Variants in RAB21 observed in about 807,000 individuals in gnomAD.
RAB21 encodes the protein ras-related protein Rab-21.
RAB21 carries 13 observed loss-of-function variants against 33.1 expected under a neutral mutation model. The ratio of observed to expected loss-of-function variants is 0.39; its 90% CI spans 0.26 to 0.62. RAB21 has a LOEUF of 0.62. RAB21 is among the 20% of genes least tolerant of loss of function. RAB21 has a pLI of 0.48. For missense variants in RAB21, 234 were observed against 279.1 expected, an observed-to-expected ratio of 0.84 and a Z score of 1.15; for synonymous variants, 91 against 103.7, an observed-to-expected ratio of 0.88 and a Z score of 0.74.
At chr12:71,769,590 C>G (rs1883011339) in intron 1 of RAB21, among the ~76,000 whole-genome samples, 1 of 151,980 alleles carries the variant, frequency 6.6e-6, no homozygotes, top group African/African-American at 2.4e-5. Flanking sequence ...TTTGTATAAC[C>G]TATTTTCAGA....
intron 1 of RAB21, among the ~76,000 whole-genome samples, chr12:71,764,808 T>C (rs1320020726): frequency 3.3e-5 from 5 of 152,152 alleles, no homozygotes; most frequent in African/African-American, 1.2e-4. Context: ...TATGGCTGAG[T>C]AGTATTCTAT....
intron 3 of RAB21, 108 bp downstream of exon 3, chr12:71,770,807 G>A: frequency 1.3e-6 from 1 of 755,910 alleles, no homozygotes; most frequent in East Asian, 2.9e-5. Context: ...TAAAAATAAA[G>A]TATATAATTT....
At chr12:71,772,204 T>C (rs1243063147) in intron 3 of RAB21, among the ~76,000 whole-genome samples, 1 of 152,210 alleles carries the variant, frequency 6.6e-6, no homozygotes, top group Non-Finnish European at 1.5e-5. Context: ...GGCCTAGTTC[T>C]CCATCTGGCC....
At chr12:71,764,122 C>A in intron 1 of RAB21, among the ~76,000 whole-genome samples, 1 of 151,966 alleles carries the variant, frequency 6.6e-6, no homozygotes, top group Admixed American at 6.5e-5. Context: ...ATGTTACTCT[C>A]CCTCCTTCCG....
intron 4 of RAB21, 161 bp downstream of exon 4, chr12:71,774,183 A>C: frequency 2.5e-6 from 1 of 397,568 alleles, no homozygotes; most frequent in Non-Finnish European, 4.2e-6. Context: ...GCAGTGGCTC[A>C]TGCCTGTAAT....
In RAB21 at chr12:71,789,610, CAAT is replaced by C. The variant is rs1321563850; in HGVS notation, c.*3941_*3943del. ...GTAGTAGTGACCCGCAGGAGCCTCA[CAAT>C]AATGTCTAAAGATATAAACTGAGTA... On this transcript the variant is annotated 3_prime_UTR_variant, in exon 7 of 7. Coordinates refer to ENST00000261263, the MANE Select transcript of RAB21 (RefSeq NM_014999.4). 1.3e-5 allele frequency: 2 copies of C among 152,074 alleles called. No individual in the cohort carries two copies. The highest frequency in any genetic ancestry group is 2.9e-5 in the Non-Finnish European group (2 of 67,980). The allele number at this position is 152,074 out of a possible 1,614,324, so 9.4% of individuals were successfully genotyped here.
chr12:71,779,003 T>C (rs1191345843), intron 4 of RAB21, among the ~76,000 whole-genome samples: 1 of 152,242 alleles, frequency 6.6e-6, no homozygotes, highest in Non-Finnish European at 1.5e-5. Context: ...CATTTGATCA[T>C]TCACTGTGAT....
At chr12:71,785,242 C>T (rs1046834412) in intron 6 of RAB21, among the ~76,000 whole-genome samples, 7 of 152,186 alleles carry the variant, frequency 4.6e-5, no homozygotes, top group East Asian at 1.9e-4. Context: ...AAGGATTATA[C>T]TTGTACGCAG....
intron 4 of RAB21, among the ~76,000 whole-genome samples, chr12:71,777,146 G>A (rs572678544): frequency 3.2e-4 from 48 of 152,166 alleles, no homozygotes; most frequent in Admixed American, 1.1e-3. Context: ...AAAATTGCAC[G>A]GTGTAAGCAG....
rs1388279583 is a variant in RAB21, at chr12:71,797,380, C to T, written c.*11707C>T. 2 of 151,116 alleles carry T rather than the reference C, an allele frequency of 1.3e-5. No homozygotes were observed. The highest frequency in any genetic ancestry group is 3.0e-5 in the Non-Finnish European group (2 of 67,762). The allele number at this position is 151,116 out of a possible 1,614,324, so 9.4% of individuals were successfully genotyped here. ...TAGAAGATATAATAGAAGAAAAGGC[C>T]CCATTTAAAGTAAGACCAAAGGAGA... On this transcript the variant is annotated 3_prime_UTR_variant, in exon 7 of 7. Coordinates refer to ENST00000261263, the MANE Select transcript of RAB21 (RefSeq NM_014999.4).
intron 1 of RAB21, among the ~76,000 whole-genome samples, chr12:71,765,409 T>C (rs1173181955): frequency 6.6e-6 from 1 of 152,200 alleles, no homozygotes; most frequent in African/African-American, 2.4e-5. Flanking sequence ...GTTGTCTGTT[T>C]ACTCTGCTGA....
At chr12:71,782,240 T>C (rs1352448834) in intron 5 of RAB21, among the ~76,000 whole-genome samples, 155 bp downstream of exon 5, 1 of 152,208 alleles carries the variant, frequency 6.6e-6, no homozygotes, top group Non-Finnish European at 1.5e-5. Flanking sequence ...TTTCTGGGCT[T>C]GTGGCAATAA....
At chr12:71,773,617 C>T (rs574074073) in intron 3 of RAB21, among the ~76,000 whole-genome samples, 44 of 152,178 alleles carry the variant, frequency 2.9e-4, no homozygotes, top group Non-Finnish European at 5.4e-4. Flanking sequence ...TTCCTAAGTC[C>T]AAAGTGACAC....
chr12:71,772,958 A>C (rs977072747), intron 3 of RAB21, among the ~76,000 whole-genome samples: 9 of 152,238 alleles, frequency 5.9e-5, no homozygotes, highest in African/African-American at 2.2e-4. Context: ...TTTGTACACC[A>C]TAAGACCAGA....
chr12:71,769,151 T>C (rs908719258), intron 1 of RAB21, among the ~76,000 whole-genome samples: 1 of 152,188 alleles, frequency 6.6e-6, no homozygotes, highest in African/African-American at 2.4e-5. Context: ...TTACCTTCTC[T>C]CTGAAGCCTT....
At chr12:71,762,877 G>A (rs752262925) in intron 1 of RAB21, among the ~76,000 whole-genome samples, 9 of 152,048 alleles carry the variant, frequency 5.9e-5, no homozygotes, top group Admixed American at 3.9e-4. Flanking sequence ...CACCATGCCC[G>A]GCCTAGCTTA....
At chr12:71,762,553 C>T (rs953546490) in intron 1 of RAB21, among the ~76,000 whole-genome samples, 2 of 151,992 alleles carry the variant, frequency 1.3e-5, no homozygotes, top group Admixed American at 6.6e-5. Flanking sequence ...GATCCGCCCG[C>T]CTCGGCCTCC....
rs978583256 is a variant in RAB21, at chr12:71,794,917, A to G, written c.*9244A>G. 1.3e-5 allele frequency: 2 copies of G among 151,276 alleles called. No individual in the cohort carries two copies. The highest frequency in any genetic ancestry group is 4.8e-5 in the African/African-American group (2 of 41,252). 9.4% of individuals were successfully genotyped at this position (151,276 alleles called of 1,614,324 possible). A position where few individuals can be genotyped will look rare whatever the true frequency, so the allele number is the denominator to read the frequency against. ...GTGCCACTGGACTCCAGCCTCGGTG[A>G]CAGAGTGAGACTCTGTCTCAAAAAA... On this transcript the variant is annotated 3_prime_UTR_variant, in exon 7 of 7. Coordinates refer to ENST00000261263, the MANE Select transcript of RAB21 (RefSeq NM_014999.4).
intron 1 of RAB21, among the ~76,000 whole-genome samples, chr12:71,762,547 C>T (rs962430155): frequency 1.3e-5 from 2 of 151,682 alleles, no homozygotes; most frequent in Non-Finnish European, 2.9e-5. Flanking sequence ...CCTCGTGATC[C>T]GCCCGCCTCG....
Sources: allele counts gnomAD v4.1 joint callset (sites outside exome capture counted in the v4.1 genomes callset), GRCh38; gene constraint gnomAD v4.1.1; transcripts MANE v1.5; gene names NCBI Gene and HGNC (gene_info 2026-07-23, HGNC 2026-07-21).